The following EIF5A2 variants were observed in gnomAD, a reference collection of about 807,000 sequenced individuals.
EIF5A2 encodes eukaryotic translation initiation factor 5A-2.
A neutral mutation model predicts 16.4 loss-of-function variants in EIF5A2; 15 were observed. The observed-to-expected ratio is 0.92, with a 90% CI of 0.61 to 1.41. The LOEUF (loss-of-function observed/expected upper bound fraction) is 1.41. Among genes scored for constraint, EIF5A2 ranks in the 40% most tolerant of loss-of-function variants. The pLI is 0.00. For missense variants in EIF5A2, 144 were observed against 189.5 expected (o/e 0.76, Z 1.41); for synonymous variants, 48 against 61.1 (o/e 0.79, Z 1.00).
In EIF5A2 at chr3:170,893,266, G is replaced by A. The variant is rs1712579201; in HGVS notation, c.*94C>T. ...AACAATTAAAAAAAGAAATGAGGTT[G>A]CTTATGAAGGCTATAGCTTTGGTGA... is the stretch of plus-strand genomic sequence containing the variant. On this transcript the variant is annotated 3_prime_UTR_variant, in exon 5 of 5. Transcript: ENST00000295822. 1.7e-6 allele frequency: 2 copies of A among 1,198,826 alleles called. No individual in the cohort carries two copies. The highest frequency in any genetic ancestry group is 2.3e-6 in the Non-Finnish European group (2 of 862,282). 74.3% of individuals were successfully genotyped at this position (1,198,826 alleles called of 1,614,324 possible).
At chr3:170,905,038 C>T (rs186791434) in intron 3 of EIF5A2, among the ~76,000 whole-genome samples, 2 of 152,202 alleles carry the variant, frequency 1.3e-5, no homozygotes, top group Admixed American at 6.5e-5. Context: ...AGGGTTGGGA[C>T]AAGGGTGAAG....
chr3:170,893,155 T>C lies in EIF5A2; in HGVS notation c.*205A>G, dbSNP rs2108291727. ...CCACAGGAATATTATAGGAAACATA[T>C]CTACAAAATTCAAAAAAAATTATAC... On this transcript the variant is annotated 3_prime_UTR_variant, in exon 5 of 5. Transcript: ENST00000295822. The C allele has an allele frequency of 4.3e-6, 2 of 460,246 alleles. No individual in the cohort carries two copies. Among genetic ancestry groups the C allele is most frequent in the South Asian group, 5.3e-5 (1 of 18,720 alleles). The allele number at this position is 460,246 out of a possible 1,614,324, so 28.5% of individuals were successfully genotyped here. A position where few individuals can be genotyped will look rare whatever the true frequency, so the allele number is the denominator to read the frequency against.
intron 3 of EIF5A2, among the ~76,000 whole-genome samples, chr3:170,899,726 G>A (rs1305657364): frequency 6.8e-6 from 1 of 146,604 alleles, no homozygotes; most frequent in Non-Finnish European, 1.5e-5. Context: ...TAATTTGCAA[G>A]CTTTAAGAAA....
At chr3:170,904,663 A>AT (rs907501397) in intron 3 of EIF5A2, among the ~76,000 whole-genome samples, 21 of 148,490 alleles carry the variant, frequency 1.4e-4, no homozygotes, top group Middle Eastern at 3.5e-3. Context: ...TGCCTCGCTA[A>AT]TTTTTTTTTT....
chr3:170,889,968 AT>A lies in EIF5A2; in HGVS notation c.*3391del. Reference sequence around the variant, plus strand: ...TAGTTTAAGTGTGTTGACATTAAGGATTTTTTTATATGCATGTATCACAGTT... The same window carrying A: ...TAGTTTAAGTGTGTTGACATTAAGGATTTTTTATATGCATGTATCACAGTT... On this transcript the variant is annotated 3_prime_UTR_variant, in exon 5 of 5. Transcript: ENST00000295822. The A allele has an allele frequency of 6.6e-6, 1 of 152,532 alleles. No homozygotes were observed. Among genetic ancestry groups the A allele is most frequent in the Admixed American group, 6.6e-5 (1 of 15,256 alleles). 9.4% of individuals were successfully genotyped at this position (152,532 alleles called of 1,614,324 possible). A position where few individuals can be genotyped will look rare whatever the true frequency, so the allele number is the denominator to read the frequency against.
intron 3 of EIF5A2, among the ~76,000 whole-genome samples, chr3:170,904,394 A>C (rs1712882387): frequency 6.6e-6 from 1 of 152,244 alleles, no homozygotes; most frequent in Non-Finnish European, 1.5e-5. Context: ...CAGCAAACAT[A>C]AAGGATTACA....
intron 3 of EIF5A2, among the ~76,000 whole-genome samples, chr3:170,899,068 A>G (rs1184648496): frequency 1.3e-5 from 2 of 152,204 alleles, no homozygotes; most frequent in Admixed American, 6.5e-5. Flanking sequence ...TATATAGTAC[A>G]TATTTAAATT....
rs1232297533 is a variant in EIF5A2 at position 170,890,149 on chromosome 3, A to T, written c.*3211T>A. On this transcript the variant is annotated 3_prime_UTR_variant, in exon 5 of 5. Coordinates refer to ENST00000295822, the MANE Select transcript of EIF5A2 (RefSeq NM_020390.6). ...AATTGAGAAACCTTAAAGTACAAAAACAAGTTGTGGAAAGTTGTAAATTTA... is the reference window on the plus strand; with the variant it reads ...AATTGAGAAACCTTAAAGTACAAAATCAAGTTGTGGAAAGTTGTAAATTTA... 2 of 152,298 alleles carry T rather than the reference A, an allele frequency of 1.3e-5. No homozygotes were observed. The highest frequency in any genetic ancestry group is 2.4e-5 in the African/African-American group (1 of 41,440). The allele number at this position is 152,298 out of a possible 1,614,324, so 9.4% of individuals were successfully genotyped here. A position where few individuals can be genotyped will look rare whatever the true frequency, so the allele number is the denominator to read the frequency against.
chr3:170,900,128 C>T (rs1411014227), intron 3 of EIF5A2, among the ~76,000 whole-genome samples: 5 of 151,612 alleles, frequency 3.3e-5, no homozygotes, highest in East Asian at 1.9e-4. Flanking sequence ...CCTAGCACTT[C>T]GGGAGGCCAA....
At chr3:170,904,120 T>C (rs533722013) in intron 3 of EIF5A2, among the ~76,000 whole-genome samples, 1 of 152,360 alleles carries the variant, frequency 6.6e-6, no homozygotes, top group South Asian at 2.1e-4. Flanking sequence ...GATGCATTTA[T>C]AATTTTCAAC....
intron 3 of EIF5A2, among the ~76,000 whole-genome samples, chr3:170,906,777 GAA>G (rs1373649322): frequency 9.2e-5 from 14 of 152,096 alleles, no homozygotes; most frequent in Non-Finnish European, 1.9e-4. Flanking sequence ...AAAAATGCAA[GAA>G]TGTGAAAAAA....
Position 170,892,527 on chromosome 3 carries a change from A to C in EIF5A2, c.*833T>G, listed in dbSNP as rs6792607. ...TGGAAAACAAGCATTGCATAGTATC[A>C]TGTAAAGCAGATCACTCCCTTTAAA... On this transcript the variant is annotated 3_prime_UTR_variant, in exon 5 of 5. Coordinates refer to ENST00000295822, the MANE Select transcript of EIF5A2 (RefSeq NM_020390.6). The C allele has an allele frequency of 0.44, 161,903 of 368,442 alleles. 38,525 individuals are homozygous for C. The highest frequency in any genetic ancestry group is 0.73 in the African/African-American group (35,115 of 47,840). 22.8% of individuals were successfully genotyped at this position (368,442 alleles called of 1,614,324 possible). A position where few individuals can be genotyped will look rare whatever the true frequency, so the allele number is the denominator to read the frequency against.
chr3:170,897,776 A>C (rs985461261), intron 3 of EIF5A2, among the ~76,000 whole-genome samples: 1 of 152,240 alleles, frequency 6.6e-6, no homozygotes, highest in African/African-American at 2.4e-5. Flanking sequence ...CCACTGGGAC[A>C]CTGCCTAGTG....
intron 4 of EIF5A2, among the ~76,000 whole-genome samples, chr3:170,894,030 C>CAAA (rs200594446): frequency 9.4e-6 from 1 of 106,918 alleles, no homozygotes; most frequent in Non-Finnish European, 2.0e-5. Context: ...GACTCCGTCT[C>CAAA]AAAAAAAAAA....
intron 2 of EIF5A2, 43 bp from the exon 3 acceptor site, chr3:170,907,136 A>G (rs749380163): frequency 8.4e-6 from 11 of 1,303,734 alleles, no homozygotes; most frequent in Middle Eastern, 3.7e-4. Flanking sequence ...TCTGCCAAGT[A>G]TATCACTCAT....
chr3:170,892,097 A>T lies in EIF5A2; in HGVS notation c.*1263T>A, dbSNP rs1260723281. The stretch of plus-strand genomic sequence containing the variant: ...TTTAAGGAATTCTCAGTTTTTGTTT[A>T]ATAAATACATTAATGTCAAAAAATC... On this transcript the variant is annotated 3_prime_UTR_variant, in exon 5 of 5. Coordinates refer to ENST00000295822, the MANE Select transcript of EIF5A2 (RefSeq NM_020390.6). 6.6e-6 allele frequency: 1 copy of T among 152,642 alleles called. No homozygotes were observed. The highest frequency in any genetic ancestry group is 1.5e-5 in the Non-Finnish European group (1 of 68,024). The allele number at this position is 152,642 out of a possible 1,614,324, so 9.5% of individuals were successfully genotyped here.
At chr3:170,900,670 A>C (rs759942576) in intron 3 of EIF5A2, among the ~76,000 whole-genome samples, 8 of 152,236 alleles carry the variant, frequency 5.3e-5, no homozygotes, top group Non-Finnish European at 1.2e-4. Flanking sequence ...TATAATGAAA[A>C]AAATATGTAT....
chr3:170,907,731 G>C lies in EIF5A2; in HGVS notation c.76C>G (p.Arg26Gly). ...STYPMQCSALRKNGFVVLKGR... is the reference protein window; with the variant it reads ...STYPMQCSALGKNGFVVLKGR... Reference sequence around the variant, plus strand: ...TTGAGCACCACGAAGCCGTTTTTGCGCAAGGCCGAGCACTGCATAGGGTAA... The same window carrying C: ...TTGAGCACCACGAAGCCGTTTTTGCCCAAGGCCGAGCACTGCATAGGGTAA... The change falls in exon 2 of 5, where the codon CGC becomes GGC. Residue 26 changes from arginine (R) to glycine (G), a missense_variant. Coordinates refer to ENST00000295822, the MANE Select transcript of EIF5A2 (RefSeq NM_020390.6). 4 of 1,609,870 alleles carry C rather than the reference G, an allele frequency of 2.5e-6. No homozygotes were observed. Among genetic ancestry groups the C allele is most frequent in the South Asian group, 1.1e-5 (1 of 90,762 alleles).
In EIF5A2 at chr3:170,892,245, G is replaced by A. The variant is rs1712551932; in HGVS notation, c.*1115C>T. On this transcript the variant is annotated 3_prime_UTR_variant, in exon 5 of 5. Transcript: ENST00000295822. The stretch of plus-strand genomic sequence containing the variant: ...AGTTCAAGACCAGCCTAGACAACAT[G>A]GTGAAACCCCATCTCTACTAAAATA... The A allele has an allele frequency of 1.3e-5, 2 of 152,312 alleles. No individual in the cohort carries two copies. Among genetic ancestry groups the A allele is most frequent in the African/African-American group, 4.8e-5 (2 of 41,368 alleles). 9.4% of individuals were successfully genotyped at this position (152,312 alleles called of 1,614,324 possible). A position where few individuals can be genotyped will look rare whatever the true frequency, so the allele number is the denominator to read the frequency against.
Sources: gnomAD v4.1 joint callset for allele counts (sites outside exome capture counted in the v4.1 genomes callset) on GRCh38, gnomAD v4.1.1 for gene constraint, MANE v1.5 for transcripts, NCBI Gene and HGNC (gene_info 2026-07-23, HGNC 2026-07-21) for gene names.